Variants in MARCHF1 observed in about 807,000 individuals in gnomAD.
The protein encoded by MARCHF1 is E3 ubiquitin-protein ligase MARCHF1.
A neutral mutation model predicts 54.2 loss-of-function variants in MARCHF1; 40 were observed. The ratio of observed to expected loss-of-function variants is 0.74; its 90% CI spans 0.57 to 0.96. The LOEUF (loss-of-function observed/expected upper bound fraction) is 0.96, where lower values mean the gene tolerates loss of function less well. Ranked by LOEUF, MARCHF1 falls within the 40% of genes least tolerant of loss-of-function variation. The pLI is 0.00. For synonymous variants in MARCHF1, 236 were observed against 236.3 expected (o/e 1.00, Z 0.01); for missense variants, 586 against 656.5 (o/e 0.89, Z 1.17).
At chr4:164,158,928 C>T (rs1398171995) in intron 1 of MARCHF1, among the ~76,000 whole-genome samples, 1 of 152,132 alleles carries the variant, frequency 6.6e-6, no homozygotes, top group South Asian at 2.1e-4. Flanking sequence ...ACCTGCACCA[C>T]AATAATAGTC....
chr4:164,140,225 CACATACACACACACTATATATATATATAT>C (rs1033304842), intron 1 of MARCHF1, among the ~76,000 whole-genome samples: 11 of 96,412 alleles, frequency 1.1e-4, no homozygotes, highest in African/African-American at 3.6e-4. Flanking sequence ...ACTATATATA[CACATACACACACACTATATATATATATAT>C]ATAAATGAAA....
intron 5 of MARCHF1, among the ~76,000 whole-genome samples, chr4:163,694,775 T>C (rs548480403): frequency 6.6e-6 from 1 of 152,294 alleles, no homozygotes; most frequent in South Asian, 2.1e-4. Context: ...CTATTGATTA[T>C]ATATAAAGTT....
At chr4:164,158,357 A>G (rs1358817753) in intron 1 of MARCHF1, among the ~76,000 whole-genome samples, 3 of 152,070 alleles carry the variant, frequency 2.0e-5, no homozygotes, top group African/African-American at 7.2e-5. Flanking sequence ...GAGAGTGATA[A>G]AAGGTCAGGT....
chr4:163,599,525 T>G (rs536277321), intron 7 of MARCHF1, among the ~76,000 whole-genome samples: 3 of 152,210 alleles, frequency 2.0e-5, no homozygotes, highest in Admixed American at 6.5e-5. Context: ...TTATTTTGCT[T>G]TGTGTTTTTG....
At chr4:164,260,086 T>C (rs1733422007) in intron 1 of MARCHF1, among the ~76,000 whole-genome samples, 1 of 152,024 alleles carries the variant, frequency 6.6e-6, no homozygotes, top group Non-Finnish European at 1.5e-5. Flanking sequence ...ATTCAAGAAA[T>C]GTGGAGATAA....
rs1315849702 is a variant in MARCHF1 at position 164,235,266 on chromosome 4, T to C, written c.-322-123604A>G. 2.6e-5 allele frequency among the ~76,000 whole-genome samples: 4 copies of C among 152,258 alleles called. 1 individual carries two copies. The Middle Eastern group carries it at 0.014, about 518-fold the overall frequency. ...TGTATCTCATATTTCAAATTCTAAATGGCCCTAAATAACAAAAATATACAA... is the reference window on the plus strand; with the variant it reads ...TGTATCTCATATTTCAAATTCTAAACGGCCCTAAATAACAAAAATATACAA... On this transcript the variant is annotated intron_variant, in intron 1 of 9. Transcript: ENST00000514618.
rs189974157 is a variant in MARCHF1 at position 163,843,302 on chromosome 4, T to C, written c.111+10719A>G. Among the ~76,000 whole-genome samples the C allele has an allele frequency of 2.5e-3, 376 of 152,282 alleles. 2 individuals are homozygous for C. Among genetic ancestry groups the C allele is most frequent in the African/African-American group, 8.5e-3 (353 of 41,548 alleles). ...TAGGTTGATTCCCTGTCTTTGATATTGTGAATAGTGCTGCAATGAACATGC... is the reference window on the plus strand; with the variant it reads ...TAGGTTGATTCCCTGTCTTTGATATCGTGAATAGTGCTGCAATGAACATGC... On this transcript the variant is annotated intron_variant, in intron 4 of 9. Coordinates refer to ENST00000514618, the MANE Select transcript of MARCHF1 (RefSeq NM_001394959.1).
chr4:163,629,751 C>T (rs1742005999), intron 5 of MARCHF1, among the ~76,000 whole-genome samples: 1 of 152,114 alleles, frequency 6.6e-6, no homozygotes, highest in Non-Finnish European at 1.5e-5. Flanking sequence ...TTGATGAGTG[C>T]AGGAAACCAC....
chr4:163,680,374 A>G (rs1171662168), intron 5 of MARCHF1, among the ~76,000 whole-genome samples: 1 of 152,192 alleles, frequency 6.6e-6, no homozygotes, highest in East Asian at 1.9e-4. Context: ...TGACACTATA[A>G]TATCTTCCTT....
intron 2 of MARCHF1, among the ~76,000 whole-genome samples, chr4:164,093,381 G>A (rs1265286470): frequency 6.6e-6 from 1 of 152,102 alleles, no homozygotes; most frequent in Non-Finnish European, 1.5e-5. Flanking sequence ...AAGTAGAAAT[G>A]TCAAAGGCAA....
At chr4:164,040,758 C>T (rs917711199) in intron 2 of MARCHF1, among the ~76,000 whole-genome samples, 12 of 151,860 alleles carry the variant, frequency 7.9e-5, no homozygotes, top group African/African-American at 2.9e-4. Flanking sequence ...TTGTTACTTA[C>T]TTTGTTTCTG....
rs147984985 is a variant in MARCHF1, at chr4:164,166,997, C to T, written c.-322-55335G>A. On this transcript the variant is annotated intron_variant, in intron 1 of 9. Coordinates refer to ENST00000514618, the MANE Select transcript of MARCHF1 (RefSeq NM_001394959.1). ...TTTATAAATCTTTAAATTTATAAAG[C>T]TTATATACTCTCAGACTCATGAGGG... Among the ~76,000 whole-genome samples the T allele has an allele frequency of 6.0e-3, 908 of 150,288 alleles. 6 individuals carry two copies. The highest frequency in any genetic ancestry group is 0.021 in the African/African-American group (839 of 40,688).
At chr4:164,081,230 A>G (rs933053484) in intron 2 of MARCHF1, among the ~76,000 whole-genome samples, 3 of 147,276 alleles carry the variant, frequency 2.0e-5, no homozygotes, top group African/African-American at 7.4e-5. Flanking sequence ...AAAAAAAAAA[A>G]AAAAAAAGAA....
At chr4:164,264,491 A>G (rs1733553038) in intron 1 of MARCHF1, among the ~76,000 whole-genome samples, 2 of 152,182 alleles carry the variant, frequency 1.3e-5, no homozygotes, top group South Asian at 4.1e-4. Context: ...GTTAAAAAAA[A>G]AAAAGAAAAT....
chr4:163,643,327 C>CAAAAATAAAAATAAAAATAAAAAT (rs58924723), intron 5 of MARCHF1, among the ~76,000 whole-genome samples: 38,061 of 137,482 alleles, frequency 0.28, 6,473 homozygotes, highest in Non-Finnish European at 0.38. Flanking sequence ...GACCCTGTCT[C>CAAAAATAAAAATAAAAATAAAAAT]AAAAATAAAA....
chr4:163,558,291 G>A (rs1402337060), intron 8 of MARCHF1, among the ~76,000 whole-genome samples: 1 of 152,172 alleles, frequency 6.6e-6, no homozygotes, highest in Non-Finnish European at 1.5e-5. Context: ...CATGGAATTC[G>A]TTCAAAAGGA....
At chr4:164,362,553 C>T (rs1730752973) in intron 1 of MARCHF1, among the ~76,000 whole-genome samples, 1 of 152,106 alleles carries the variant, frequency 6.6e-6, no homozygotes, top group Non-Finnish European at 1.5e-5. Flanking sequence ...AAACCAGCCA[C>T]GTTTTACTAC....
rs1738097447 is a variant in MARCHF1, at chr4:163,526,167, T to C, written c.*2581A>G. The C allele has an allele frequency of 6.6e-6, 1 of 152,122 alleles. No individual in the cohort carries two copies. The allele number at this position is 152,122 out of a possible 1,614,324, so 9.4% of individuals were successfully genotyped here. ...TAAAATCCCATGTCCTCTTTTACTATTAATAGAATAATGCTTACCTTTGCT... is the reference window on the plus strand; with the variant it reads ...TAAAATCCCATGTCCTCTTTTACTACTAATAGAATAATGCTTACCTTTGCT... On this transcript the variant is annotated 3_prime_UTR_variant, in exon 10 of 10. Coordinates refer to ENST00000514618, the MANE Select transcript of MARCHF1 (RefSeq NM_001394959.1).
chr4:163,706,702 C>A (rs1216683789), intron 4 of MARCHF1, among the ~76,000 whole-genome samples: 1 of 151,818 alleles, frequency 6.6e-6, no homozygotes, highest in Admixed American at 6.6e-5. Flanking sequence ...CCAATTAAAT[C>A]TTCAATAGAA....
Sources: allele counts gnomAD v4.1 joint callset (sites outside exome capture counted in the v4.1 genomes callset), GRCh38; gene constraint gnomAD v4.1.1; transcripts MANE v1.5; gene names NCBI Gene and HGNC (gene_info 2026-07-23, HGNC 2026-07-21).